Variants in KANK4 observed in about 807,000 individuals in gnomAD.
KANK4 encodes the protein KN motif and ankyrin repeat domains 4, also known as KN motif and ankyrin repeat domain-containing protein 4.
Under a neutral mutation model 80.8 loss-of-function variants are expected in KANK4, and 50 were observed. That is an observed-to-expected ratio of 0.62 (90% confidence interval 0.49 to 0.78). KANK4 has a LOEUF of 0.78. Among genes scored for constraint, KANK4 ranks in the 30% least tolerant of loss-of-function variants. The pLI, the probability that KANK4 is intolerant of heterozygous loss-of-function variation, is 0.00. For missense variants in KANK4, 1,196 were observed against 1,240.1 expected, an observed-to-expected ratio of 0.96 and a Z score of 0.53; for synonymous variants, 465 against 506.9, an observed-to-expected ratio of 0.92 and a Z score of 1.11.
Position 62,319,350 on chromosome 1 carries a change from C to A in KANK4, c.-315G>T, listed in dbSNP as rs1305086903. 2 of 151,904 alleles carry A rather than the reference C, an allele frequency of 1.3e-5. No individual in the cohort carries two copies. Among genetic ancestry groups the A allele is most frequent in the African/African-American group, 4.8e-5 (2 of 41,398 alleles). The allele number at this position is 151,904 out of a possible 1,614,324, so 9.4% of individuals were successfully genotyped here. A position where few individuals can be genotyped will look rare whatever the true frequency, so the allele number is the denominator to read the frequency against. On this transcript the variant is annotated 5_prime_UTR_variant, in exon 1 of 10. Transcript: ENST00000371153. ...GCGGGCACACCCACCGCGGCGGATG[C>A]GGGACTGGCCAGGCGCCGCCAGCCG...
At chr1:62,252,139 C>T (rs1671637661) in intron 8 of KANK4, among the ~76,000 whole-genome samples, 1 of 152,166 alleles carries the variant, frequency 6.6e-6, no homozygotes, top group African/African-American at 2.4e-5. Context: ...AGCAAAGAAG[C>T]AGGAGACCAC....
In KANK4 at chr1:62,300,073, T is replaced by G. The variant is rs568281778; in HGVS notation, c.-70-18439A>C. 2.6e-5 allele frequency among the ~76,000 whole-genome samples: 4 copies of G among 152,236 alleles called. No homozygotes were observed. The East Asian group carries it at 7.7e-4, about 29-fold the overall frequency. ...TGCCTCCTTCACCACAGTCCTCTGG[T>G]GTATGTGGGTTCAGCTGCTGCTGCT... On this transcript the variant is annotated intron_variant, in intron 1 of 9. Transcript: ENST00000371153.
chr1:62,263,424 C>A, intron 6 of KANK4, 113 bp from the exon 7 acceptor site: 1 of 834,548 alleles, frequency 1.2e-6, no homozygotes, highest in South Asian at 1.5e-5. Context: ...TCCAGCTTGC[C>A]ATGTGATTTA....
intron 1 of KANK4, among the ~76,000 whole-genome samples, chr1:62,302,380 T>C (rs2149167599): frequency 6.6e-6 from 1 of 152,162 alleles, no homozygotes; most frequent in East Asian, 1.9e-4. Context: ...AAATAAAAGA[T>C]GCAACACATG....
chr1:62,251,052 T>TA (rs1671604665), intron 8 of KANK4, among the ~76,000 whole-genome samples: 2 of 152,366 alleles, frequency 1.3e-5, no homozygotes, highest in South Asian at 2.1e-4. Flanking sequence ...ACTATCTTTT[T>TA]AAGGCTGTTT....
chr1:62,274,711 A>G lies in KANK4; in HGVS notation c.393T>C (p.Ala131=), dbSNP rs1351315048. Residue 131 remains alanine, a synonymous_variant, in exon 3 of 10, where the codon GCT becomes GCC. Transcript: ENST00000371153. ...SRSEVSYHRK[A]LLAEATRQLE... ...ACTGTCTGGTGGCCTCTGCCAACAGAGCCTTCCTGTGGTAGCTCACCTCAC... is the reference window on the plus strand; with the variant it reads ...ACTGTCTGGTGGCCTCTGCCAACAGGGCCTTCCTGTGGTAGCTCACCTCAC... The G allele has an allele frequency of 3.1e-6, 5 of 1,614,066 alleles. No individual in the cohort carries two copies. Among genetic ancestry groups the G allele is most frequent in the Non-Finnish European group, 4.2e-6 (5 of 1,180,022 alleles).
chr1:62,238,569 A>G (rs964903199), intron 9 of KANK4, among the ~76,000 whole-genome samples, 188 bp from the exon 10 acceptor site: 1 of 152,050 alleles, frequency 6.6e-6, no homozygotes. Flanking sequence ...CACAGAAACA[A>G]TAGTGACTCC....
At chr1:62,313,742 T>C (rs907502992) in intron 1 of KANK4, among the ~76,000 whole-genome samples, 4 of 152,084 alleles carry the variant, frequency 2.6e-5, no homozygotes, top group African/African-American at 9.7e-5. Context: ...GACAAATACC[T>C]AATGCATGCG....
In KANK4 at chr1:62,252,999, C is replaced by T. The variant is rs1357951695; in HGVS notation, c.2682+68G>A. The T allele has an allele frequency of 2.6e-6, 4 of 1,558,020 alleles. No individual in the cohort carries two copies. In the African/African-American group the frequency reaches 4.1e-5, roughly 16 times the overall value. ...TGGATCTGCATGGAATTTCTCACCC[C>T]ACTAGCAGAATAAAGCGGGAGGTGC... On this transcript the variant is annotated intron_variant, in intron 8 of 9. Coordinates refer to ENST00000371153, the MANE Select transcript of KANK4 (RefSeq NM_181712.5).
At chr1:62,309,249 AT>A (rs1487778380) in intron 1 of KANK4, among the ~76,000 whole-genome samples, 2 of 152,200 alleles carry the variant, frequency 1.3e-5, no homozygotes, top group Non-Finnish European at 2.9e-5. Flanking sequence ...TAAGAGCACT[AT>A]CCCATTTGTG....
In KANK4 at chr1:62,274,686, A is replaced by T; in HGVS notation, c.418T>A (p.Leu140Met). The T allele has an allele frequency of 6.2e-7, 1 of 1,614,154 alleles. No homozygotes were observed. The change falls in exon 3 of 10, where the codon TTG becomes ATG. Residue 140 changes from leucine to methionine, a missense_variant. Coordinates refer to ENST00000371153, the MANE Select transcript of KANK4 (RefSeq NM_181712.5). Reference sequence around the variant, plus strand: ...GCATCCTCTGGCTCAGCAGCTTCCAACTGTCTGGTGGCCTCTGCCAACAGA... The same window carrying T: ...GCATCCTCTGGCTCAGCAGCTTCCATCTGTCTGGTGGCCTCTGCCAACAGA... ...KALLAEATRQLEAAEPEDAEL... is the reference protein window; with the variant it reads ...KALLAEATRQMEAAEPEDAEL...
At chr1:62,311,244 G>A (rs999196660) in intron 1 of KANK4, among the ~76,000 whole-genome samples, 2 of 151,538 alleles carry the variant, frequency 1.3e-5, no homozygotes, top group African/African-American at 4.9e-5. Flanking sequence ...TTGATATCTC[G>A]GGTACCCTAG....
chr1:62,245,129 G>C (rs954850077), intron 9 of KANK4, among the ~76,000 whole-genome samples: 9 of 152,224 alleles, frequency 5.9e-5, no homozygotes, highest in African/African-American at 2.2e-4. Flanking sequence ...TAGAGGGCCA[G>C]GGGCCTTTGA....
chr1:62,266,667 C>G, intron 6 of KANK4, 65 bp downstream of exon 6: 1 of 1,126,902 alleles, frequency 8.9e-7, no homozygotes, highest in Non-Finnish European at 1.3e-6. Flanking sequence ...ACCAAAGTCA[C>G]CCTGGCAGAG....
intron 1 of KANK4, among the ~76,000 whole-genome samples, chr1:62,293,511 C>G (rs918818421): frequency 6.6e-6 from 1 of 152,148 alleles, no homozygotes; most frequent in South Asian, 2.1e-4. Context: ...TCAATTCTTA[C>G]AAGCAAGTGT....
chr1:62,263,504 C>A (rs751897839), intron 6 of KANK4, 193 bp from the exon 7 acceptor site: 201 of 580,578 alleles, frequency 3.5e-4, no homozygotes, highest in Non-Finnish European at 5.0e-4. Context: ...CGATCAGCCC[C>A]CTCTGGGAGT....
intron 1 of KANK4, among the ~76,000 whole-genome samples, chr1:62,287,461 C>T (rs993829935): frequency 2.0e-5 from 3 of 152,166 alleles, no homozygotes; most frequent in Non-Finnish European, 4.4e-5. Context: ...CCTGTCTAAC[C>T]CATGCTGAAA....
At chr1:62,302,201 C>T (rs149234571) in intron 1 of KANK4, among the ~76,000 whole-genome samples, 13 of 152,000 alleles carry the variant, frequency 8.6e-5, no homozygotes, top group African/African-American at 3.1e-4. Context: ...TTTTCCAGTG[C>T]AATTCAGGAG....
intron 1 of KANK4, among the ~76,000 whole-genome samples, chr1:62,296,236 A>G (rs1644362677): frequency 6.6e-6 from 1 of 152,230 alleles, no homozygotes; most frequent in East Asian, 1.9e-4. Flanking sequence ...TATTTCCAGC[A>G]GAGTGACTGC....
Sources: allele counts gnomAD v4.1 joint callset (sites outside exome capture counted in the v4.1 genomes callset), GRCh38; gene constraint gnomAD v4.1.1; transcripts MANE v1.5; gene names NCBI Gene and HGNC (gene_info 2026-07-23, HGNC 2026-07-21).